The following FAT3 variants were observed in gnomAD, a reference collection of about 807,000 sequenced individuals.
FAT3 encodes the protein FAT atypical cadherin 3.
A neutral mutation model predicts 310.2 loss-of-function variants in FAT3; 95 were observed. That is an observed-to-expected ratio of 0.31 (90% CI 0.26 to 0.36). The LOEUF (loss-of-function observed/expected upper bound fraction) is 0.36, where lower values mean the gene tolerates loss of function less well. Ranked by LOEUF, FAT3 falls within the 10% of genes least tolerant of loss-of-function variation. The pLI is 1.00. For synonymous variants in FAT3, 2,314 were observed against 2,192.9 expected (o/e 1.06, Z -1.54); for missense variants, 5,408 against 5,715.6 (o/e 0.95, Z 1.74).
chr11:92,386,986 A>G (rs1294555749), intron 2 of FAT3, among the ~76,000 whole-genome samples: 1 of 151,954 alleles, frequency 6.6e-6, no homozygotes, highest in Non-Finnish European at 1.5e-5. Context: ...TTGTTAGGAG[A>G]TCTGTGGCTC....
At chr11:92,304,970 C>A (rs1947084281) in intron 1 of FAT3, among the ~76,000 whole-genome samples, 1 of 152,160 alleles carries the variant, frequency 6.6e-6, no homozygotes, top group Admixed American at 6.6e-5. Flanking sequence ...AGAACAAGGA[C>A]ATAAATGAGA....
chr11:92,401,617 A>T (rs2134868064), intron 2 of FAT3, among the ~76,000 whole-genome samples: 1 of 152,282 alleles, frequency 6.6e-6, no homozygotes, highest in East Asian at 1.9e-4. Flanking sequence ...CCTCACTGAA[A>T]GACTGAGGCT....
At chr11:92,330,356 G>A (rs1210665110) in intron 1 of FAT3, among the ~76,000 whole-genome samples, 1 of 152,210 alleles carries the variant, frequency 6.6e-6, no homozygotes, top group Non-Finnish European at 1.5e-5. Context: ...TTGTCTGCCT[G>A]TTGGAGAATC....
At chr11:92,491,554 AT>A (rs1565357794) in intron 2 of FAT3, among the ~76,000 whole-genome samples, 1 of 152,058 alleles carries the variant, frequency 6.6e-6, no homozygotes, top group Admixed American at 6.6e-5. Flanking sequence ...AGAGTATGGC[AT>A]TTGAAAAAGT....
intron 3 of FAT3, among the ~76,000 whole-genome samples, chr11:92,570,358 T>C (rs554465367): frequency 6.6e-6 from 1 of 152,282 alleles, no homozygotes; most frequent in Admixed American, 6.5e-5. Context: ...TCATCAAATG[T>C]CCAATGAAGG....
Position 92,846,332 on chromosome 11 carries a change from A to G in FAT3, c.11365+1600A>G, listed in dbSNP as rs139758335. On this transcript the variant is annotated intron_variant, in intron 19 of 27. Transcript: ENST00000525166. ...ACTAAAGATTCAAAGCAAAAAAGAT[A>G]CAGTTACTGCCCTTAGGAGCTGACA... 3.9e-3 allele frequency among the ~76,000 whole-genome samples: 588 copies of G among 152,306 alleles called. 3 individuals are homozygous for G. Among genetic ancestry groups the G allele is most frequent in the African/African-American group, 0.013 (557 of 41,566 alleles).
chr11:92,763,515 G>A (rs1002597063), intron 5 of FAT3, among the ~76,000 whole-genome samples: 4 of 152,072 alleles, frequency 2.6e-5, no homozygotes, highest in Non-Finnish European at 4.4e-5. Context: ...GCTGTCAATG[G>A]CTCACAGCTG....
intron 4 of FAT3, among the ~76,000 whole-genome samples, chr11:92,754,453 G>A (rs183707755): frequency 1.1e-3 from 171 of 151,282 alleles, no homozygotes; most frequent in African/African-American, 3.8e-3. Context: ...GTGAAACCCC[G>A]TCTGTACTAA....
At chr11:92,493,475 A>G (rs573843245) in intron 2 of FAT3, among the ~76,000 whole-genome samples, 44 of 152,156 alleles carry the variant, frequency 2.9e-4, no homozygotes, top group African/African-American at 1.1e-3. Flanking sequence ...ATTTTCACAG[A>G]CACCTGCACG....
intron 1 of FAT3, among the ~76,000 whole-genome samples, chr11:92,254,648 A>G (rs1254771638): frequency 6.6e-6 from 1 of 152,114 alleles, no homozygotes; most frequent in Non-Finnish European, 1.5e-5. Flanking sequence ...TACTCCTAGG[A>G]GTCACACAGA....
In FAT3 at chr11:92,880,828, C is replaced by T. The variant is rs2136398519; in HGVS notation, c.12225C>T (p.Cys4075=). 5.0e-6 allele frequency: 8 copies of T among 1,613,808 alleles called. No homozygotes were observed. Among genetic ancestry groups the T allele is most frequent in the East Asian group, 2.2e-5 (1 of 44,866 alleles). ...FPNPCRNGGS[C]DPIGNTFICN... ...ACCCCTGCCGGAATGGAGGATCCTG[C>T]GATCCAATAGGAAACACTTTCATCT... Residue 4075 remains cysteine (C), a synonymous_variant, in exon 23 of 28, where the codon TGC becomes TGT. Transcript: ENST00000525166.
At chr11:92,528,930 C>G (rs1160476116) in intron 3 of FAT3, among the ~76,000 whole-genome samples, 1 of 152,190 alleles carries the variant, frequency 6.6e-6, no homozygotes, top group Non-Finnish European at 1.5e-5. Flanking sequence ...AAGCTACAAG[C>G]ACACTGCTCC....
chr11:92,628,896 GCACACA>G, intron 3 of FAT3, among the ~76,000 whole-genome samples: 1 of 151,996 alleles, frequency 6.6e-6, no homozygotes, highest in African/African-American at 2.4e-5. Flanking sequence ...GTGCACTCAT[GCACACA>G]CACACACTCA....
chr11:92,862,705 T>C (rs930101881), intron 21 of FAT3, among the ~76,000 whole-genome samples: 1 of 152,220 alleles, frequency 6.6e-6, no homozygotes, highest in Non-Finnish European at 1.5e-5. Flanking sequence ...CAATGATCTA[T>C]TTAAGAATGT....
chr11:92,250,951 A>G (rs1411474020), intron 1 of FAT3, among the ~76,000 whole-genome samples: 7 of 152,166 alleles, frequency 4.6e-5, no homozygotes, highest in Admixed American at 6.6e-5. Flanking sequence ...CGCTCTTACA[A>G]TGTTGCTACA....
At chr11:92,843,867 G>C in intron 18 of FAT3, 67 bp from the exon 19 acceptor site, 2 of 1,443,744 alleles carry the variant, frequency 1.4e-6, no homozygotes, top group Non-Finnish European at 1.9e-6. Context: ...TCTATCTGCG[G>C]GTTTTTAAAA....
At chr11:92,225,479 AG>A (rs1284170249) in intron 1 of FAT3, among the ~76,000 whole-genome samples, 5 of 152,062 alleles carry the variant, frequency 3.3e-5, no homozygotes, top group African/African-American at 9.6e-5. Context: ...AGGGGTTGCG[AG>A]GGGGGTTGCG....
At chr11:92,322,974 T>A (rs1399487411) in intron 1 of FAT3, among the ~76,000 whole-genome samples, 1 of 151,978 alleles carries the variant, frequency 6.6e-6, no homozygotes, top group Admixed American at 6.6e-5. Context: ...GAATGATGAT[T>A]TTTTTCTCCA....
chr11:92,459,826 G>A (rs935117778), intron 2 of FAT3, among the ~76,000 whole-genome samples: 8 of 152,076 alleles, frequency 5.3e-5, no homozygotes, highest in African/African-American at 1.4e-4. Flanking sequence ...ATAGGAATCC[G>A]GTTGTTGTAG....
Sources: gnomAD v4.1 joint callset for allele counts (sites outside exome capture counted in the v4.1 genomes callset) on GRCh38, gnomAD v4.1.1 for gene constraint, MANE v1.5 for transcripts, NCBI Gene and HGNC (gene_info 2026-07-23, HGNC 2026-07-21) for gene names.